CSMD1: variants seen among roughly 807,000 people sequenced by gnomAD.
The protein encoded by CSMD1 is CUB and Sushi multiple domains 1.
CSMD1 carries 213 observed loss-of-function variants against 417.5 expected under a neutral mutation model. The observed-to-expected ratio is 0.51, with a 90% CI of 0.46 to 0.57. CSMD1 has a LOEUF of 0.57. Ranked by LOEUF, CSMD1 falls within the 20% of genes least tolerant of loss-of-function variation. CSMD1 has a pLI of 0.00. For missense variants in CSMD1, 6,923 were observed against 4,529.7 expected (o/e 1.53, Z -15.17); for synonymous variants, 2,862 against 1,736.8 (o/e 1.65, Z -16.11).
chr8:4,348,368 G>A (rs572192492), intron 3 of CSMD1, among the ~76,000 whole-genome samples: 6 of 152,128 alleles, frequency 3.9e-5, no homozygotes, highest in South Asian at 2.1e-4. Flanking sequence ...AGTGTACTAC[G>A]CTACAAGTGT....
At chr8:3,999,722 C>G (rs1815510439) in intron 4 of CSMD1, among the ~76,000 whole-genome samples, 1 of 152,152 alleles carries the variant, frequency 6.6e-6, no homozygotes, top group Non-Finnish European at 1.5e-5. Flanking sequence ...CTAATGGCAG[C>G]TTTAGAATGG....
intron 5 of CSMD1, among the ~76,000 whole-genome samples, chr8:3,796,337 GATAT>G (rs1164258205): frequency 0.021 from 2,077 of 97,358 alleles, 498 homozygotes; most frequent in Middle Eastern, 0.059. Flanking sequence ...TATAGATATA[GATAT>G]ATATCTATCA....
At chr8:3,557,780 G>C (rs188647420) in intron 10 of CSMD1, among the ~76,000 whole-genome samples, 1 of 152,132 alleles carries the variant, frequency 6.6e-6, no homozygotes, top group Non-Finnish European at 1.5e-5. Flanking sequence ...GGTTTGCCTA[G>C]GACAGATAGA....
intron 39 of CSMD1, among the ~76,000 whole-genome samples, chr8:3,153,737 A>G (rs1819341938): frequency 6.6e-6 from 1 of 152,056 alleles, no homozygotes; most frequent in Non-Finnish European, 1.5e-5. Flanking sequence ...CATCATCAAC[A>G]CGGATGTCTG....
intron 2 of CSMD1, among the ~76,000 whole-genome samples, chr8:4,555,798 G>C (rs1221611980): frequency 6.6e-6 from 1 of 152,002 alleles, no homozygotes; most frequent in Non-Finnish European, 1.5e-5. Context: ...AAGAAAATTA[G>C]AAAACCTATT....
intron 49 of CSMD1, among the ~76,000 whole-genome samples, chr8:3,065,387 T>C (rs547684607): frequency 4.0e-5 from 6 of 151,700 alleles, no homozygotes; most frequent in African/African-American, 7.2e-5. Context: ...AAAAGAAAGA[T>C]AGAAAGGTAG....
Position 4,899,129 on chromosome 8 carries a change from C to T in CSMD1, c.85+95203G>A, listed in dbSNP as rs1034077023. 7.2e-5 allele frequency among the ~76,000 whole-genome samples: 11 copies of T among 152,262 alleles called. 1 individual carries two copies. In the South Asian group the frequency reaches 1.0e-3, roughly 14 times the overall value. ...TCTGAAATGGTAATTTGGTTATACA[C>T]GTATCAATAGGCAAATTGAGCTAAA... is the stretch of plus-strand genomic sequence containing the variant. On this transcript the variant is annotated intron_variant, in intron 1 of 69. Transcript: ENST00000635120.
At position 4,576,103 on chromosome 8, in the gene CSMD1, C is replaced by G. The variant is rs548809507; in HGVS notation, c.302+61239G>C. On this transcript the variant is annotated intron_variant, in intron 2 of 69. Transcript: ENST00000635120. ...ATGCCAGCATAATTGACCATTCAAC[C>G]TCCTCTTTATTGCTAGCCTATCCCT... Among the ~76,000 whole-genome samples the G allele has an allele frequency of 8.7e-4, 133 of 152,330 alleles. 1 individual carries two copies. The highest frequency in any genetic ancestry group is 3.1e-3 in the African/African-American group (128 of 41,576).
chr8:4,003,504 A>G (rs1429774205), intron 4 of CSMD1, among the ~76,000 whole-genome samples: 8 of 152,240 alleles, frequency 5.3e-5, no homozygotes, highest in Non-Finnish European at 8.8e-5. Flanking sequence ...GGCAATTTAA[A>G]TAAGAGTGAA....
chr8:3,806,075 T>C (rs1252274480), intron 5 of CSMD1, among the ~76,000 whole-genome samples: 2 of 152,138 alleles, frequency 1.3e-5, no homozygotes, highest in South Asian at 2.1e-4. Context: ...TGGACAAAAA[T>C]TGTTGGTTTA....
At chr8:3,261,538 C>G (rs776924172) in intron 26 of CSMD1, among the ~76,000 whole-genome samples, 2 of 152,062 alleles carry the variant, frequency 1.3e-5, no homozygotes, top group Non-Finnish European at 2.9e-5. Flanking sequence ...GAAAAGAAAA[C>G]CTGCGCGTGA....
intron 53 of CSMD1, 111 bp from the exon 54 acceptor site, chr8:2,998,295 T>C (rs193117128): frequency 5.9e-5 from 64 of 1,077,102 alleles, no homozygotes; most frequent in Non-Finnish European, 7.7e-5. Flanking sequence ...ACTGAAGGTT[T>C]TCCACTAACC....
At chr8:3,229,996 A>G in intron 27 of CSMD1, 44 bp downstream of exon 27, 1 of 1,356,214 alleles carries the variant, frequency 7.4e-7, no homozygotes, top group Non-Finnish European at 9.9e-7. Flanking sequence ...GACAACATGC[A>G]TCCATTCCTG....
chr8:3,600,665 C>T (rs111422288), intron 8 of CSMD1, among the ~76,000 whole-genome samples: 31 of 152,228 alleles, frequency 2.0e-4, no homozygotes, highest in African/African-American at 6.5e-4. Context: ...AGACAGAAAA[C>T]CATTGCTCTG....
chr8:4,474,275 A>G (rs146015206), intron 2 of CSMD1, among the ~76,000 whole-genome samples: 1 of 152,322 alleles, frequency 6.6e-6, no homozygotes, highest in African/African-American at 2.4e-5. Context: ...GTTTATAAAT[A>G]GTTCAGCAAG....
intron 6 of CSMD1, among the ~76,000 whole-genome samples, chr8:3,745,206 G>T (rs1003088949): frequency 6.6e-6 from 1 of 152,016 alleles, no homozygotes; most frequent in African/African-American, 2.4e-5. Context: ...TATATTTTTT[G>T]GGGTAGTAAA....
At chr8:3,803,132 C>T (rs1035129419) in intron 5 of CSMD1, among the ~76,000 whole-genome samples, 2 of 152,168 alleles carry the variant, frequency 1.3e-5, no homozygotes, top group East Asian at 1.9e-4. Context: ...CTTTGAAGGA[C>T]TTCATTCTAA....
At chr8:4,839,332 C>A (rs1800699088) in intron 1 of CSMD1, among the ~76,000 whole-genome samples, 2 of 152,138 alleles carry the variant, frequency 1.3e-5, no homozygotes, top group East Asian at 1.9e-4. Flanking sequence ...ATAGCATATG[C>A]AATGAATGCA....
chr8:3,155,359 A>ATTTTT lies in CSMD1; in HGVS notation c.5914+2533_5914+2537dup, dbSNP rs556304192. 3.7e-3 allele frequency among the ~76,000 whole-genome samples: 160 copies of ATTTTT among 43,308 alleles called. 25 individuals carry two copies. The highest frequency in any genetic ancestry group is 0.053 in the Middle Eastern group (2 of 38). The allele number at this position is 43,308 out of a possible 152,430, so 28.4% of individuals were successfully genotyped here. On this transcript the variant is annotated intron_variant, in intron 39 of 69. Transcript: ENST00000635120. ...TTTTTCCTTCCAAATCAAGGCTGGG[A>ATTTTT]TTTTTTTTTTTTTTTTTTTTTTTTT... is the stretch of plus-strand genomic sequence containing the variant.
Sources: allele counts gnomAD v4.1 joint callset (sites outside exome capture counted in the v4.1 genomes callset), GRCh38; gene constraint gnomAD v4.1.1; transcripts MANE v1.5; gene names NCBI Gene and HGNC (gene_info 2026-07-23, HGNC 2026-07-21).